Variants in NALF1 observed in about 807,000 individuals in gnomAD.
The protein encoded by NALF1 is family with sequence similarity 155 member A.
A neutral mutation model predicts 48.4 loss-of-function variants in NALF1; 3 were observed. That is an observed-to-expected ratio of 0.06 (90% CI 0.03 to 0.16). NALF1 has a LOEUF of 0.16. Ranked by LOEUF, NALF1 falls within the 10% of genes least tolerant of loss-of-function variation. The probability of loss-of-function intolerance (pLI) is 1.00; values close to 1 mark genes in which losing one functional copy is unlikely to be tolerated. For synonymous variants in NALF1, 262 were observed against 245.7 expected (o/e 1.07, Z -0.62); for missense variants, 526 against 571.5 (o/e 0.92, Z 0.81).
intron 1 of NALF1, among the ~76,000 whole-genome samples, chr13:107,780,836 T>C (rs1437202573): frequency 2.6e-5 from 4 of 152,200 alleles, no homozygotes; most frequent in African/African-American, 9.6e-5. Flanking sequence ...GTAACCATTT[T>C]ACATGGGCCC....
chr13:107,555,335 G>A (rs1877429565), intron 1 of NALF1, among the ~76,000 whole-genome samples: 1 of 151,440 alleles, frequency 6.6e-6, no homozygotes, highest in African/African-American at 2.4e-5. Flanking sequence ...TGCAATGGTG[G>A]GGTCTCAGCT....
At chr13:107,456,130 G>A (rs1039639547) in intron 1 of NALF1, among the ~76,000 whole-genome samples, 1 of 152,072 alleles carries the variant, frequency 6.6e-6, no homozygotes, top group African/African-American at 2.4e-5. Flanking sequence ...GGATAGAGGA[G>A]TTTTTTTCAA....
At chr13:107,640,928 C>T (rs1880135001) in intron 1 of NALF1, among the ~76,000 whole-genome samples, 1 of 152,132 alleles carries the variant, frequency 6.6e-6, no homozygotes, top group South Asian at 2.1e-4. Context: ...AGTCTCACTG[C>T]TTGGTATACA....
At chr13:107,854,026 T>C (rs1880380772) in intron 1 of NALF1, among the ~76,000 whole-genome samples, 1 of 152,212 alleles carries the variant, frequency 6.6e-6, no homozygotes, top group Non-Finnish European at 1.5e-5. Flanking sequence ...CAGCAAATAC[T>C]CCATTTTCTT....
chr13:107,423,337 G>C (rs1884225593), intron 1 of NALF1, among the ~76,000 whole-genome samples: 1 of 152,234 alleles, frequency 6.6e-6, no homozygotes, highest in South Asian at 2.1e-4. Context: ...TGGGGTAAAA[G>C]GTCCTAAATT....
intron 1 of NALF1, among the ~76,000 whole-genome samples, chr13:107,499,068 A>G (rs1875430742): frequency 6.6e-6 from 1 of 152,128 alleles, no homozygotes; most frequent in Admixed American, 6.6e-5. Context: ...TACTTCACCA[A>G]TAAAAAAACG....
At chr13:107,427,420 C>T (rs1385175577) in intron 1 of NALF1, among the ~76,000 whole-genome samples, 1 of 151,478 alleles carries the variant, frequency 6.6e-6, no homozygotes, top group East Asian at 1.9e-4. Context: ...TGATCTATTA[C>T]AGTCATTTTG....
At chr13:107,263,630 C>A (rs1594095073) in intron 1 of NALF1, among the ~76,000 whole-genome samples, 1 of 152,218 alleles carries the variant, frequency 6.6e-6, no homozygotes, top group East Asian at 1.9e-4. Context: ...TCATTTGGTT[C>A]TCATTCTCTC....
rs117268876 is a variant in NALF1, at chr13:107,269,615, C to A, written c.916-58860G>T. The stretch of plus-strand genomic sequence containing the variant: ...TTTAGAACAGAACAACTAAGAGTGT[C>A]CTTTTTTCCCCATTATATTGTACTC... On this transcript the variant is annotated intron_variant, in intron 1 of 2. Transcript: ENST00000375915. Among the ~76,000 whole-genome samples, 509 of 152,194 alleles carry A rather than the reference C, an allele frequency of 3.3e-3. 1 individual carries two copies. Among genetic ancestry groups the A allele is most frequent in the Non-Finnish European group, 5.2e-3 (353 of 67,988 alleles).
intron 1 of NALF1, among the ~76,000 whole-genome samples, chr13:107,476,222 C>A (rs1246365941): frequency 6.6e-6 from 1 of 152,110 alleles, no homozygotes; most frequent in African/African-American, 2.4e-5. Flanking sequence ...AATTTGATGT[C>A]TCATGCACGC....
At chr13:107,733,545 C>A (rs1256409616) in intron 1 of NALF1, among the ~76,000 whole-genome samples, 1 of 152,026 alleles carries the variant, frequency 6.6e-6, no homozygotes, top group Non-Finnish European at 1.5e-5. Flanking sequence ...CAAAATTATA[C>A]AAATAGTCAA....
intron 1 of NALF1, among the ~76,000 whole-genome samples, chr13:107,312,754 C>T (rs1422962790): frequency 1.3e-5 from 2 of 152,116 alleles, no homozygotes; most frequent in Admixed American, 1.3e-4. Flanking sequence ...GGGTAACTGA[C>T]CTAGCAGAGT....
chr13:107,682,657 A>G (rs969253342), intron 1 of NALF1, among the ~76,000 whole-genome samples: 3 of 151,734 alleles, frequency 2.0e-5, no homozygotes, highest in African/African-American at 4.8e-5. Flanking sequence ...TTGAGTGAAG[A>G]TGCATTCATT....
At chr13:107,267,468 G>A (rs935623484) in intron 1 of NALF1, among the ~76,000 whole-genome samples, 8 of 152,146 alleles carry the variant, frequency 5.3e-5, no homozygotes, top group Non-Finnish European at 1.0e-4. Context: ...AGCGCTGTGT[G>A]TTGTCTGTGG....
chr13:107,641,577 A>C (rs1029341792), intron 1 of NALF1, among the ~76,000 whole-genome samples: 32 of 152,198 alleles, frequency 2.1e-4, no homozygotes, highest in Admixed American at 2.0e-3. Context: ...AAACAAATAG[A>C]GATTTGGAGA....
intron 1 of NALF1, among the ~76,000 whole-genome samples, chr13:107,745,804 T>A (rs1415954762): frequency 2.6e-5 from 4 of 152,128 alleles, no homozygotes; most frequent in Non-Finnish European, 5.9e-5. Flanking sequence ...CTCACAATAG[T>A]GAGTGAGTTC....
chr13:107,666,582 A>G (rs987643598), intron 1 of NALF1, among the ~76,000 whole-genome samples: 1 of 152,124 alleles, frequency 6.6e-6, no homozygotes, highest in Non-Finnish European at 1.5e-5. Context: ...ACCTATTGAG[A>G]TGGCTATGGC....
intron 1 of NALF1, among the ~76,000 whole-genome samples, chr13:107,250,144 G>A (rs928791931): frequency 2.0e-5 from 3 of 151,316 alleles, no homozygotes; most frequent in African/African-American, 7.3e-5. Context: ...CCAGGGTTCA[G>A]AAGTACAGAC....
intron 1 of NALF1, among the ~76,000 whole-genome samples, chr13:107,575,192 C>A (rs889123103): frequency 6.6e-6 from 1 of 151,778 alleles, no homozygotes; most frequent in Admixed American, 6.6e-5. Flanking sequence ...TAGAAGAGAG[C>A]CTTAGAACTT....
Sources: allele counts gnomAD v4.1 joint callset (sites outside exome capture counted in the v4.1 genomes callset), GRCh38; gene constraint gnomAD v4.1.1; transcripts MANE v1.5; gene names NCBI Gene and HGNC (gene_info 2026-07-23, HGNC 2026-07-21).